Variants in SLC10A7 observed in about 807,000 individuals in gnomAD.
SLC10A7 encodes the protein sodium/bile acid cotransporter 7.
Under a neutral mutation model 43.2 loss-of-function variants are expected in SLC10A7, and 29 were observed. The ratio of observed to expected loss-of-function variants is 0.67; its 90% confidence interval spans 0.50 to 0.92. SLC10A7 has a LOEUF of 0.92. Among genes scored for constraint, SLC10A7 ranks in the 40% least tolerant of loss-of-function variants. The probability of loss-of-function intolerance (pLI) is 0.00; values close to 1 mark genes in which losing one functional copy is unlikely to be tolerated. For missense variants in SLC10A7, 295 were observed against 403.2 expected, an observed-to-expected ratio of 0.73 and a Z score of 2.30; for synonymous variants, 152 against 144.8, an observed-to-expected ratio of 1.05 and a Z score of -0.35.
intron 10 of SLC10A7, among the ~76,000 whole-genome samples, chr4:146,261,893 C>T (rs995809050): frequency 6.6e-6 from 1 of 152,150 alleles, no homozygotes; most frequent in African/African-American, 2.4e-5. Context: ...CAGGGGGAGG[C>T]CCACTCCAGC....
At chr4:146,382,561 C>T (rs1737704315) in intron 5 of SLC10A7, among the ~76,000 whole-genome samples, 1 of 152,030 alleles carries the variant, frequency 6.6e-6, no homozygotes, top group Non-Finnish European at 1.5e-5. Context: ...AATGGCAAGA[C>T]CCAATATTTT....
In SLC10A7 at chr4:146,451,236, A is replaced by AAAC. The variant is rs1731567678; in HGVS notation, c.397-8416_397-8415insGTT. ...CTGAATCAGAAGTCTCCCACCAAAA[A>AAAC]AAAAAAAAAAAAAACAAAAAAAAAC... is the stretch of plus-strand genomic sequence containing the variant. On this transcript the variant is annotated intron_variant, in intron 4 of 11. Transcript: ENST00000335472. Among the ~76,000 whole-genome samples, 3 of 147,568 alleles carry AAAC rather than the reference A, an allele frequency of 2.0e-5. No homozygotes were observed. In the South Asian group the frequency reaches 6.3e-4, roughly 31 times the overall value.
At chr4:146,429,873 T>C (rs565695991) in intron 5 of SLC10A7, among the ~76,000 whole-genome samples, 5 of 151,256 alleles carry the variant, frequency 3.3e-5, no homozygotes, top group African/African-American at 9.7e-5. Flanking sequence ...ATAAAGGCAA[T>C]GAAAAAAAAT....
intron 5 of SLC10A7, among the ~76,000 whole-genome samples, chr4:146,399,864 T>C (rs940691692): frequency 6.6e-6 from 1 of 152,056 alleles, no homozygotes; most frequent in African/African-American, 2.4e-5. Context: ...CGTAGGCATT[T>C]TGATGTATGA....
rs72950650 is a variant in SLC10A7 at position 146,322,177 on chromosome 4, G to A, written c.471+3784C>T. Among the ~76,000 whole-genome samples the A allele has an allele frequency of 8.2e-3, 1,250 of 152,056 alleles. 12 individuals are homozygous for A. Among genetic ancestry groups the A allele is most frequent in the African/African-American group, 0.029 (1,185 of 41,480 alleles). On this transcript the variant is annotated intron_variant, in intron 6 of 11. Transcript: ENST00000335472. Reference sequence around the variant, plus strand: ...CCATAATTTTTATCAGCATGTTACCGCACAGATATGGAAAGGAGGGGAAGA... The same window carrying A: ...CCATAATTTTTATCAGCATGTTACCACACAGATATGGAAAGGAGGGGAAGA...
At chr4:146,271,672 C>T (rs928289345) in intron 10 of SLC10A7, among the ~76,000 whole-genome samples, 3 of 152,148 alleles carry the variant, frequency 2.0e-5, no homozygotes, top group Admixed American at 2.0e-4. Context: ...AGGCAAGTCC[C>T]TACAATGGCC....
rs990257326 is a variant in SLC10A7, at chr4:146,347,011, G to C, written c.436-21015C>G. On this transcript the variant is annotated intron_variant, in intron 5 of 11. Coordinates refer to ENST00000335472, the MANE Select transcript of SLC10A7 (RefSeq NM_001029998.6). Reference sequence around the variant, plus strand: ...ACTAAAAAGGTAAAGGCCAGATAATGGGGTTAAGGAAAGGCTGCTTACCTC... The same window carrying C: ...ACTAAAAAGGTAAAGGCCAGATAATCGGGTTAAGGAAAGGCTGCTTACCTC... Among the ~76,000 whole-genome samples the C allele has an allele frequency of 3.3e-5, 5 of 152,226 alleles. No homozygotes were observed. The East Asian group carries it at 9.7e-4, about 29-fold the overall frequency.
intron 4 of SLC10A7, among the ~76,000 whole-genome samples, chr4:146,460,019 G>T (rs1258858541): frequency 2.0e-5 from 3 of 151,828 alleles, no homozygotes; most frequent in African/African-American, 4.8e-5. Context: ...TTAAAAATGG[G>T]CAAAAGATTT....
chr4:146,409,198 A>C (rs13138596), intron 5 of SLC10A7, among the ~76,000 whole-genome samples: 80,701 of 151,788 alleles, frequency 0.53, 22,222 homozygotes, highest in East Asian at 0.78. Context: ...AGAAGTCAAA[A>C]ACATCAACCA....
At chr4:146,442,380 G>A (rs555290823) in intron 5 of SLC10A7, 33 of 1,003,012 alleles carry the variant, frequency 3.3e-5, no homozygotes, top group Non-Finnish European at 3.7e-5. Flanking sequence ...AAAATAAATG[G>A]CATGTCAACA....
chr4:146,506,017 T>C (rs1736863394), intron 3 of SLC10A7, among the ~76,000 whole-genome samples: 1 of 152,194 alleles, frequency 6.6e-6, no homozygotes, highest in Admixed American at 6.5e-5. Context: ...GCCTCCCACT[T>C]CAGCCTCTCC....
intron 5 of SLC10A7, among the ~76,000 whole-genome samples, chr4:146,416,890 C>A (rs1728608050): frequency 6.6e-6 from 1 of 152,130 alleles, no homozygotes; most frequent in Non-Finnish European, 1.5e-5. Flanking sequence ...CACCATTTCC[C>A]CAAATATCCC....
intron 4 of SLC10A7, among the ~76,000 whole-genome samples, chr4:146,498,709 A>G (rs1736136609): frequency 6.6e-6 from 1 of 152,238 alleles, no homozygotes; most frequent in East Asian, 1.9e-4. Flanking sequence ...ATATACTGGC[A>G]TTTCGGTGTA....
At position 146,425,774 on chromosome 4, in the gene SLC10A7, C is replaced by A. The variant is rs913480608; in HGVS notation, c.435+17009G>T. Among the ~76,000 whole-genome samples, 4 of 152,144 alleles carry A rather than the reference C, an allele frequency of 2.6e-5. No individual in the cohort carries two copies. The South Asian group carries it at 8.3e-4, about 31-fold the overall frequency. ...ATTGAGAATACCTATCTAAGCACTA[C>A]CTGGGAAAGAAGATCGCTGGTCCAA... On this transcript the variant is annotated intron_variant, in intron 5 of 11. Transcript: ENST00000335472.
chr4:146,326,973 AAGAGAGAGAG>A (rs33979046), intron 5 of SLC10A7, among the ~76,000 whole-genome samples: 1 of 149,246 alleles, frequency 6.7e-6, no homozygotes, highest in Non-Finnish European at 1.5e-5. Flanking sequence ...CACACAGAAA[AAGAGAGAGAG>A]AGAGAGAGAG....
chr4:146,498,276 C>A (rs1185887387), intron 4 of SLC10A7, among the ~76,000 whole-genome samples: 1 of 152,044 alleles, frequency 6.6e-6, no homozygotes, highest in African/African-American at 2.4e-5. Context: ...TGACACCAAG[C>A]CTGGCTAATT....
intron 11 of SLC10A7, among the ~76,000 whole-genome samples, chr4:146,257,932 A>G (rs1257529087): frequency 6.6e-6 from 1 of 152,224 alleles, no homozygotes; most frequent in Non-Finnish European, 1.5e-5. Flanking sequence ...GGCACTTGTC[A>G]TTGGATACCT....
chr4:146,518,683 G>A (rs948440358), intron 1 of SLC10A7, among the ~76,000 whole-genome samples: 4 of 151,898 alleles, frequency 2.6e-5, no homozygotes, highest in Admixed American at 2.0e-4. Flanking sequence ...TCCAATAACC[G>A]GTATTCTTAA....
intron 4 of SLC10A7, among the ~76,000 whole-genome samples, chr4:146,457,260 C>A (rs1447082514): frequency 6.6e-6 from 1 of 151,466 alleles, no homozygotes; most frequent in Admixed American, 6.6e-5. Context: ...TTTGTGGGTA[C>A]ATAATAGGTG....
Sources: allele counts gnomAD v4.1 joint callset (sites outside exome capture counted in the v4.1 genomes callset), GRCh38; gene constraint gnomAD v4.1.1; transcripts MANE v1.5; gene names NCBI Gene and HGNC (gene_info 2026-07-23, HGNC 2026-07-21).